The following GRAP2 variants were observed in gnomAD, a reference collection of about 807,000 sequenced individuals.
GRAP2 encodes GRB2 related adaptor protein 2, also known as GRB2-related adapter protein 2.
Under a neutral mutation model 43.5 loss-of-function variants are expected in GRAP2, and 31 were observed. The ratio of observed to expected loss-of-function variants is 0.71; its 90% CI spans 0.54 to 0.96. GRAP2 has a LOEUF of 0.96. Ranked by LOEUF, GRAP2 falls within the 40% of genes least tolerant of loss-of-function variation. The pLI, the probability that GRAP2 is intolerant of heterozygous loss-of-function variation, is 0.00. For missense variants in GRAP2, 371 were observed against 424.4 expected, an observed-to-expected ratio of 0.87 and a Z score of 1.11; for synonymous variants, 156 against 164.8, an observed-to-expected ratio of 0.95 and a Z score of 0.41.
chr22:39,969,093 C>T (rs2067210132), intron 6 of GRAP2, among the ~76,000 whole-genome samples: 1 of 152,228 alleles, frequency 6.6e-6, no homozygotes, highest in Admixed American at 6.5e-5. Context: ...GGTTCCCCCT[C>T]TAAATGGAAG....
At chr22:39,910,358 A>G (rs2066551764) in intron 1 of GRAP2, among the ~76,000 whole-genome samples, 1 of 151,924 alleles carries the variant, frequency 6.6e-6, no homozygotes, top group African/African-American at 2.4e-5. Flanking sequence ...ACTAAAACCC[A>G]TGAGTTCCCA....
chr22:39,913,916 C>T (rs1311857458), intron 1 of GRAP2, among the ~76,000 whole-genome samples: 1 of 152,140 alleles, frequency 6.6e-6, no homozygotes, highest in Non-Finnish European at 1.5e-5. Context: ...TCTTTCATCC[C>T]ACCCTGCACA....
Position 39,968,157 on chromosome 22 carries a change from C to A in GRAP2, c.575C>A (p.Thr192Asn). ...MNRKLSDHPP[T>N]LPLQQHQHQP... ...CGGAAGCTGTCGGATCACCCCCCGA[C>A]CCTTCCCCTGCAGCAGCACCAGCAC... is the stretch of plus-strand genomic sequence containing the variant. Residue 192 changes from threonine to asparagine, a missense_variant, in exon 6 of 8, where the codon ACC (threonine) becomes AAC (asparagine). Physicochemically the swap from Thr to Asn is moderately conservative, Grantham distance 65. Coordinates refer to ENST00000344138, the MANE Select transcript of GRAP2 (RefSeq NM_004810.4). The A allele has an allele frequency of 6.2e-7, 1 of 1,608,372 alleles. No individual in the cohort carries two copies. Among genetic ancestry groups the A allele is most frequent in the Non-Finnish European group, 8.5e-7 (1 of 1,177,484 alleles).
At chr22:39,906,120 G>A (rs2066521486) in intron 1 of GRAP2, among the ~76,000 whole-genome samples, 1 of 152,134 alleles carries the variant, frequency 6.6e-6, no homozygotes, top group Admixed American at 6.5e-5. Flanking sequence ...TACAAGCGGG[G>A]AGTTATGAGA....
chr22:39,896,563 G>T (rs1380889355), upstream of GRAP2, among the ~76,000 whole-genome samples: 2 of 152,114 alleles, frequency 1.3e-5, no homozygotes, highest in African/African-American at 4.8e-5. Flanking sequence ...AAAGAAGAGG[G>T]TTTGGGGCTA....
At chr22:39,924,233 A>G (rs2066678304) in intron 1 of GRAP2, among the ~76,000 whole-genome samples, 1 of 152,204 alleles carries the variant, frequency 6.6e-6, no homozygotes, top group Non-Finnish European at 1.5e-5. Context: ...CTGTTTATAA[A>G]TCGCGGGAGA....
chr22:39,904,063 T>C (rs1247247304), intron 1 of GRAP2, among the ~76,000 whole-genome samples: 1 of 152,170 alleles, frequency 6.6e-6, no homozygotes, highest in Non-Finnish European at 1.5e-5. Flanking sequence ...TTATATACTC[T>C]CCAAAGAAAA....
intron 1 of GRAP2, among the ~76,000 whole-genome samples, chr22:39,909,659 G>A (rs1157322174): frequency 6.6e-6 from 1 of 152,062 alleles, no homozygotes; most frequent in African/African-American, 2.4e-5. Flanking sequence ...TTTCCCCTAA[G>A]GAATGAACAG....
At chr22:39,898,301 A>G (rs868414112), upstream of GRAP2, among the ~76,000 whole-genome samples, 12 of 152,126 alleles carry the variant, frequency 7.9e-5, no homozygotes, top group South Asian at 2.1e-4. Context: ...CATCTGATGT[A>G]CCTTCTGTTT....
At chr22:39,941,864 T>G (rs1231013063) in intron 1 of GRAP2, among the ~76,000 whole-genome samples, 2 of 147,940 alleles carry the variant, frequency 1.4e-5, no homozygotes, top group African/African-American at 2.5e-5. Context: ...GGAGAGGTGT[T>G]TTTTTTTTTT....
At chr22:39,962,489 A>G (rs2067130083) in intron 4 of GRAP2, among the ~76,000 whole-genome samples, 1 of 152,118 alleles carries the variant, frequency 6.6e-6, no homozygotes, top group African/African-American at 2.4e-5. Flanking sequence ...TTATACATAT[A>G]TTTAACATGC....
At chr22:39,926,706 G>GT (rs1204377663) in intron 1 of GRAP2, 5 of 983,044 alleles carry the variant, frequency 5.1e-6, no homozygotes, top group African/African-American at 1.8e-5. Flanking sequence ...CGGGGGATTG[G>GT]TTTTTTTTCC....
At chr22:39,929,985 G>A (rs1036338497) in intron 1 of GRAP2, among the ~76,000 whole-genome samples, 21 of 152,138 alleles carry the variant, frequency 1.4e-4, no homozygotes, top group African/African-American at 4.8e-4. Context: ...AAATTGAAAT[G>A]TGCTGTAAGT....
intron 1 of GRAP2, among the ~76,000 whole-genome samples, chr22:39,931,957 G>C (rs902004537): frequency 6.6e-6 from 1 of 152,118 alleles, no homozygotes; most frequent in Non-Finnish European, 1.5e-5. Flanking sequence ...ACATTTTGTG[G>C]CTCACAGGAT....
At chr22:39,903,812 C>T (rs2066507222) in intron 1 of GRAP2, among the ~76,000 whole-genome samples, 1 of 152,090 alleles carries the variant, frequency 6.6e-6, no homozygotes, top group Non-Finnish European at 1.5e-5. Flanking sequence ...CTTAAGAAAG[C>T]ATGGTCCTGT....
At chr22:39,950,376 C>T (rs2066969604) in intron 2 of GRAP2, among the ~76,000 whole-genome samples, 1 of 152,240 alleles carries the variant, frequency 6.6e-6, no homozygotes. Context: ...TTCTACCTCT[C>T]ATTGCTGCCT....
intron 1 of GRAP2, among the ~76,000 whole-genome samples, chr22:39,926,018 G>T (rs1030171495): frequency 6.6e-6 from 1 of 152,154 alleles, no homozygotes; most frequent in Non-Finnish European, 1.5e-5. Flanking sequence ...CAGTCACTTT[G>T]CCTCCATGAT....
chr22:39,969,205 A>G (rs1308157594), intron 6 of GRAP2, among the ~76,000 whole-genome samples: 1 of 152,254 alleles, frequency 6.6e-6, no homozygotes, highest in East Asian at 1.9e-4. Context: ...CTGAATAAAT[A>G]AAACCTGCCT....
At chr22:39,903,661 G>A (rs1170179089) in intron 1 of GRAP2, among the ~76,000 whole-genome samples, 1 of 151,946 alleles carries the variant, frequency 6.6e-6, no homozygotes, top group Non-Finnish European at 1.5e-5. Context: ...ATTTTTAGTA[G>A]AGACAGGGTT....
Sources: allele counts gnomAD v4.1 joint callset (sites outside exome capture counted in the v4.1 genomes callset), GRCh38; gene constraint gnomAD v4.1.1; transcripts MANE v1.5; gene names NCBI Gene and HGNC (gene_info 2026-07-23, HGNC 2026-07-21).